PIK3CB: variants seen among roughly 807,000 people sequenced by gnomAD.
PIK3CB encodes the protein phosphatidylinositol 4,5-bisphosphate 3-kinase catalytic subunit beta isoform.
In PIK3CB, 39 loss-of-function variants were observed where a neutral mutation model predicts 136.8. That is an observed-to-expected ratio of 0.29 (90% CI 0.22 to 0.37). The LOEUF is 0.37. Ranked by LOEUF, PIK3CB falls within the 10% of genes least tolerant of loss-of-function variation. The pLI, the probability that PIK3CB is intolerant of heterozygous loss-of-function variation, is 1.00. For missense variants in PIK3CB, 868 were observed against 1,275.4 expected (o/e 0.68, Z 4.87); for synonymous variants, 428 against 436.6 (o/e 0.98, Z 0.25).
chr3:138,682,200 G>A, intron 18 of PIK3CB, 155 bp from the exon 19 acceptor site: 1 of 524,542 alleles, frequency 1.9e-6, no homozygotes. Flanking sequence ...TCTTTGGATA[G>A]CATGTCCCTG....
chr3:138,806,072 C>A (rs2046231171), intron 1 of PIK3CB, among the ~76,000 whole-genome samples: 2 of 151,944 alleles, frequency 1.3e-5, no homozygotes, highest in African/African-American at 2.4e-5. Context: ...CAAAAAGAAT[C>A]AGAACTTCCT....
At chr3:138,712,668 G>GA (rs2044527997) in intron 9 of PIK3CB, among the ~76,000 whole-genome samples, 1 of 150,696 alleles carries the variant, frequency 6.6e-6, no homozygotes, top group Non-Finnish European at 1.5e-5. Flanking sequence ...CCAGGTTCAA[G>GA]AGACTCTCCT....
At chr3:138,696,638 G>C (rs2044143324) in intron 13 of PIK3CB, among the ~76,000 whole-genome samples, 1 of 151,982 alleles carries the variant, frequency 6.6e-6, no homozygotes, top group Admixed American at 6.6e-5. Context: ...ATGGGTTATT[G>C]GGGGGAAAAG....
At chr3:138,828,764 G>A (rs1386589993) in intron 1 of PIK3CB, among the ~76,000 whole-genome samples, 4 of 151,598 alleles carry the variant, frequency 2.6e-5, no homozygotes, top group Admixed American at 6.6e-5. Flanking sequence ...AGGAGACCCC[G>A]CCTCTAAAAA....
At chr3:138,805,141 C>T (rs924863217) in intron 1 of PIK3CB, among the ~76,000 whole-genome samples, 7 of 151,706 alleles carry the variant, frequency 4.6e-5, no homozygotes, top group Non-Finnish European at 1.0e-4. Context: ...TCGAGACCAG[C>T]CTGGCCAACG....
chr3:138,823,347 T>A (rs745747391), intron 1 of PIK3CB, among the ~76,000 whole-genome samples: 1 of 151,976 alleles, frequency 6.6e-6, no homozygotes, highest in African/African-American at 2.4e-5. Context: ...GAAATATGAA[T>A]AGTTATTGTA....
intron 2 of PIK3CB, among the ~76,000 whole-genome samples, chr3:138,791,011 A>G (rs1358342043): frequency 6.6e-6 from 1 of 152,040 alleles, no homozygotes; most frequent in Non-Finnish European, 1.5e-5. Context: ...CTTGTCCATT[A>G]TGAACTTACA....
chr3:138,762,552 T>G (rs1226443110), intron 2 of PIK3CB, among the ~76,000 whole-genome samples: 1 of 152,168 alleles, frequency 6.6e-6, no homozygotes, highest in African/African-American at 2.4e-5. Flanking sequence ...ATTAAGCAAA[T>G]CACTTCAGAG....
intron 1 of PIK3CB, among the ~76,000 whole-genome samples, chr3:138,801,915 G>A (rs2046181124): frequency 6.6e-6 from 1 of 150,686 alleles, no homozygotes; most frequent in South Asian, 2.1e-4. Context: ...GTGTGTTGGT[G>A]CACACATGTA....
intron 19 of PIK3CB, among the ~76,000 whole-genome samples, chr3:138,678,148 C>T (rs1171839160): frequency 3.3e-5 from 5 of 151,926 alleles, no homozygotes; most frequent in Non-Finnish European, 5.9e-5. Context: ...GGATTACAGG[C>T]ATGGTGGCAT....
chr3:138,669,301 C>T (rs1553719285), intron 19 of PIK3CB, among the ~76,000 whole-genome samples: 1 of 150,836 alleles, frequency 6.6e-6, no homozygotes, highest in Non-Finnish European at 1.5e-5. Context: ...GGCAGCTACT[C>T]AGGAGGCTGA....
chr3:138,809,185 G>A (rs2046266476), intron 1 of PIK3CB, among the ~76,000 whole-genome samples: 1 of 152,008 alleles, frequency 6.6e-6, no homozygotes, highest in African/African-American at 2.4e-5. Flanking sequence ...AGCTGAGGCA[G>A]GAGAATCGTT....
chr3:138,722,291 G>C (rs2044745195), intron 8 of PIK3CB, among the ~76,000 whole-genome samples: 1 of 151,142 alleles, frequency 6.6e-6, no homozygotes, highest in Non-Finnish European at 1.5e-5. Context: ...TCTGTAAAAT[G>C]AGATTTGGTA....
intron 14 of PIK3CB, among the ~76,000 whole-genome samples, chr3:138,693,631 C>T (rs1451624620): frequency 1.3e-5 from 2 of 151,840 alleles, no homozygotes; most frequent in African/African-American, 4.8e-5. Context: ...AACTCCTGAC[C>T]TCAAGTGATC....
intron 6 of PIK3CB, among the ~76,000 whole-genome samples, chr3:138,737,394 CAA>C (rs11344311): frequency 0.015 from 589 of 39,050 alleles, 13 homozygotes; most frequent in African/African-American, 0.051. Flanking sequence ...CACTCTGTCT[CAA>C]AAAAAAAAAA....
intron 8 of PIK3CB, among the ~76,000 whole-genome samples, chr3:138,718,115 C>T (rs2044649876): frequency 6.6e-6 from 1 of 152,152 alleles, no homozygotes; most frequent in Non-Finnish European, 1.5e-5. Flanking sequence ...CGCCATACTG[C>T]TTTTTACAAT....
intron 4 of PIK3CB, among the ~76,000 whole-genome samples, chr3:138,751,292 A>G (rs927794663): frequency 6.6e-6 from 1 of 151,994 alleles, no homozygotes. Context: ...CCCCATCTCT[A>G]CTAGAAATAT....
rs2108645437 is a variant in PIK3CB, at chr3:138,734,781, G to A, written c.825C>T (p.Asn275=). The A allele has an allele frequency of 6.2e-7, 1 of 1,612,790 alleles. No homozygotes were observed. Among genetic ancestry groups the A allele is most frequent in the Non-Finnish European group, 8.5e-7 (1 of 1,179,308 alleles). Residue 275 remains asparagine, a synonymous_variant, in exon 7 of 24, where the codon AAC becomes AAT. Coordinates refer to ENST00000674063, the MANE Select transcript of PIK3CB (RefSeq NM_006219.3). Reference sequence around the variant, plus strand: ...CAAGTATAAAATGGGGCAGGGCTCTGTTCATCACACAGTTCCGGATATACT... The same window carrying A: ...CAAGTATAAAATGGGGCAGGGCTCTATTCATCACACAGTTCCGGATATACT... The part of the protein sequence containing the change: ...QFQYIRNCVM[N]RALPHFILVE...
In PIK3CB at chr3:138,796,558, A is replaced by T. The variant is rs1403229118; in HGVS notation, c.-112T>A. The T allele has an allele frequency of 1.3e-5, 2 of 152,154 alleles. No homozygotes were observed. The highest frequency in any genetic ancestry group is 2.9e-5 in the Non-Finnish European group (2 of 68,024). 9.4% of individuals were successfully genotyped at this position (152,154 alleles called of 1,614,324 possible). On this transcript the variant is annotated 5_prime_UTR_variant, in exon 2 of 24. An upstream open reading frame in the 5' UTR loses its in-frame stop. Coordinates refer to ENST00000674063, the MANE Select transcript of PIK3CB (RefSeq NM_006219.3). ...TTTTCATGGAAGACTTTTTCCAGTT[A>T]AAACATACACTACAAAAAAGGTTGA...
Sources: allele counts gnomAD v4.1 joint callset (sites outside exome capture counted in the v4.1 genomes callset), GRCh38; gene constraint gnomAD v4.1.1; transcripts MANE v1.5; gene names NCBI Gene and HGNC (gene_info 2026-07-23, HGNC 2026-07-21).